Variants in AFF2 observed in about 807,000 individuals in gnomAD.
AFF2 encodes ALF transcription elongation factor 2.
Under a neutral mutation model 76.9 loss-of-function variants are expected in AFF2, and 14 were observed. That is an observed-to-expected ratio of 0.18 (90% CI 0.12 to 0.28). The LOEUF (loss-of-function observed/expected upper bound fraction) is 0.28. Among genes scored for constraint, AFF2 ranks in the 10% least tolerant of loss-of-function variants. The pLI is 1.00. For synonymous variants in AFF2, 398 were observed against 366.7 expected (o/e 1.09, Z -0.98); for missense variants, 868 against 1,001.1 (o/e 0.87, Z 1.79).
chrX:148,993,902 GT>G lies in AFF2; in HGVS notation c.*2574del, dbSNP rs2072562195. The G allele has an allele frequency of 8.9e-6, 1 of 112,426 alleles. No homozygotes were observed. The highest frequency in any genetic ancestry group is 1.9e-5 in the Non-Finnish European group (1 of 53,229). The allele number at this position is 112,426 out of a possible 1,213,427, so 9.3% of individuals were successfully genotyped here. ...AGTTTCATGATTAAGGATTGTTGCT[GT>G]TTTATAGTTACTCTGTTCATCACAG... On this transcript the variant is annotated 3_prime_UTR_variant, in exon 21 of 21. Coordinates refer to ENST00000370460, the MANE Select transcript of AFF2 (RefSeq NM_002025.4).
At chrX:148,872,992 G>A (rs1036125380) in intron 7 of AFF2, among the ~76,000 whole-genome samples, 6 of 111,659 alleles carry the variant, frequency 5.4e-5, no homozygotes, top group Non-Finnish European at 9.4e-5. Flanking sequence ...ATCTTCTGTG[G>A]AAAAATGTCT....
intron 1 of AFF2, among the ~76,000 whole-genome samples, chrX:148,620,535 A>G (rs1419593329): frequency 9.1e-6 from 1 of 109,680 alleles, no homozygotes; most frequent in Non-Finnish European, 1.9e-5. Flanking sequence ...AAATATATAT[A>G]TATATATTGT....
intron 3 of AFF2, among the ~76,000 whole-genome samples, chrX:148,771,556 G>A (rs2069587981): frequency 8.9e-6 from 1 of 112,129 alleles, no homozygotes; most frequent in Non-Finnish European, 1.9e-5. Context: ...TCTCAGAAAA[G>A]AAGCCCTTTC....
rs2072542900 is a variant in AFF2 at position 148,992,371 on chromosome X, C to T, written c.*1039C>T. 1 of 112,175 alleles carries T rather than the reference C, an allele frequency of 8.9e-6. No individual in the cohort carries two copies. The highest frequency in any genetic ancestry group is 3.2e-5 in the African/African-American group (1 of 30,874). The allele number at this position is 112,175 out of a possible 1,213,427, so 9.2% of individuals were successfully genotyped here. Reference sequence around the variant, plus strand: ...ATCACTACCTAGAAGTAATGATATACAGTTTTCTTCCTAGTGGCTTGAAAA... The same window carrying T: ...ATCACTACCTAGAAGTAATGATATATAGTTTTCTTCCTAGTGGCTTGAAAA... On this transcript the variant is annotated 3_prime_UTR_variant, in exon 21 of 21. Coordinates refer to ENST00000370460, the MANE Select transcript of AFF2 (RefSeq NM_002025.4).
At chrX:148,963,177 G>T (rs1194915744) in intron 13 of AFF2, among the ~76,000 whole-genome samples, 2 of 112,000 alleles carry the variant, frequency 1.8e-5, no homozygotes, top group Non-Finnish European at 3.8e-5. Context: ...CAATGATAAT[G>T]CTTAAAAGAA....
At chrX:148,792,317 G>T (rs1279853963) in intron 3 of AFF2, among the ~76,000 whole-genome samples, 1 of 112,546 alleles carries the variant, frequency 8.9e-6, no homozygotes, top group Non-Finnish European at 1.9e-5. Context: ...GCCGGGCATG[G>T]TGGCACATGC....
At chrX:148,896,760 T>C (rs1423131743) in intron 8 of AFF2, among the ~76,000 whole-genome samples, 6 of 111,061 alleles carry the variant, frequency 5.4e-5, no homozygotes, top group African/African-American at 2.0e-4. Flanking sequence ...CAGAGCCTGG[T>C]TTTCCTGACT....
At chrX:148,582,349 G>A (rs1318923910) in intron 1 of AFF2, among the ~76,000 whole-genome samples, 1 of 111,320 alleles carries the variant, frequency 9.0e-6, no homozygotes, top group Non-Finnish European at 1.9e-5. Context: ...GAAGTACTTT[G>A]AGACTATGTA....
intron 9 of AFF2, among the ~76,000 whole-genome samples, chrX:148,932,495 A>C (rs1159093633): frequency 8.9e-6 from 1 of 111,865 alleles, no homozygotes; most frequent in Non-Finnish European, 1.9e-5. Context: ...AAACTTACTT[A>C]AGCTACCTGA....
chrX:148,820,436 T>C (rs1314635719), intron 4 of AFF2, among the ~76,000 whole-genome samples: 1 of 112,103 alleles, frequency 8.9e-6, no homozygotes, highest in Non-Finnish European at 1.9e-5. Flanking sequence ...ACTATATATT[T>C]AACAGTGGGA....
intron 1 of AFF2, among the ~76,000 whole-genome samples, chrX:148,622,491 C>A (rs1407410704): frequency 8.9e-6 from 1 of 111,855 alleles, no homozygotes; most frequent in African/African-American, 3.2e-5. Flanking sequence ...GACTTAAAGT[C>A]AACTTGTTGT....
chrX:148,625,610 G>C (rs1410399719), intron 1 of AFF2, among the ~76,000 whole-genome samples: 2 of 111,076 alleles, frequency 1.8e-5, no homozygotes, highest in African/African-American at 6.6e-5. Context: ...AACTTCAGAT[G>C]CCAGTTACCT....
rs782605823 is a variant in AFF2, at chrX:148,501,184, C to A, written c.47+40C>A. On this transcript the variant is annotated intron_variant, in intron 1 of 20. Transcript: ENST00000370460. Reference sequence around the variant, plus strand: ...TTGCCTTCTCCTTTGATGAGCGAGTCTCCTGGCGAAGTCTGAGGTTTTCGC... The same window carrying A: ...TTGCCTTCTCCTTTGATGAGCGAGTATCCTGGCGAAGTCTGAGGTTTTCGC... 4.2e-6 allele frequency: 5 copies of A among 1,204,230 alleles called. No homozygotes were observed. The Admixed American group carries it at 1.1e-4, about 26-fold the overall frequency.
intron 12 of AFF2, among the ~76,000 whole-genome samples, chrX:148,961,726 A>C (rs2124374613): frequency 8.9e-6 from 1 of 112,748 alleles, no homozygotes; most frequent in Admixed American, 9.4e-5. Flanking sequence ...CACTGACTGA[A>C]ATTGACCAAG....
chrX:148,749,189 T>A (rs1603293876), intron 3 of AFF2, among the ~76,000 whole-genome samples: 1 of 111,888 alleles, frequency 8.9e-6, no homozygotes, highest in Admixed American at 9.5e-5. Flanking sequence ...CATGTTTGAA[T>A]ACACACAATA....
chrX:148,558,235 T>C (rs782491996), intron 1 of AFF2, among the ~76,000 whole-genome samples: 2 of 112,063 alleles, frequency 1.8e-5, no homozygotes, highest in African/African-American at 3.2e-5. Context: ...TCTTTTCCTT[T>C]TCTATTTTGC....
In AFF2 at chrX:148,652,016, G is replaced by A. The variant is rs782049601; in HGVS notation, c.65G>A (p.Arg22His). 6 of 1,199,998 alleles carry A rather than the reference G, an allele frequency of 5.0e-6. No individual in the cohort carries two copies. The highest frequency in any genetic ancestry group is 1.8e-5 in the South Asian group (1 of 55,532). ...LEQQCHYEQD[R>H]SALKKREWER... is the part of the protein sequence containing the mutation. ...CATATCAGTCACTATGAACAAGACC[G>A]TAGTGCACTTAAAAAAAGGGAATGG... Residue 22 changes from arginine (R) to histidine (H), a missense_variant, in exon 2 of 21, where the codon CGT becomes CAT. Coordinates refer to ENST00000370460, the MANE Select transcript of AFF2 (RefSeq NM_002025.4).
intron 3 of AFF2, among the ~76,000 whole-genome samples, chrX:148,788,036 T>C (rs2069844539): frequency 8.9e-6 from 1 of 111,923 alleles, no homozygotes. Flanking sequence ...TTTTTCATTT[T>C]CAGCTTCCAG....
intron 3 of AFF2, among the ~76,000 whole-genome samples, chrX:148,715,309 A>G (rs1334711616): frequency 8.9e-6 from 1 of 111,757 alleles, no homozygotes; most frequent in Non-Finnish European, 1.9e-5. Context: ...TAATGTCACT[A>G]GATTTAGTTT....
Sources: allele counts gnomAD v4.1 joint callset (sites outside exome capture counted in the v4.1 genomes callset), GRCh38; gene constraint gnomAD v4.1.1; transcripts MANE v1.5; gene names NCBI Gene and HGNC (gene_info 2026-07-23, HGNC 2026-07-21).